HM13: variants seen among roughly 807,000 people sequenced by gnomAD.
The protein encoded by HM13 is histocompatibility minor 13.
A neutral mutation model predicts 50.0 loss-of-function variants in HM13; 18 were observed. The ratio of observed to expected loss-of-function variants is 0.36; its 90% CI spans 0.25 to 0.53. The LOEUF is 0.53. Among genes scored for constraint, HM13 ranks in the 20% least tolerant of loss-of-function variants. HM13 has a pLI of 0.90. For missense variants in HM13, 393 were observed against 552.4 expected, an observed-to-expected ratio of 0.71 and a Z score of 2.89; for synonymous variants, 197 against 232.6, an observed-to-expected ratio of 0.85 and a Z score of 1.39.
rs777024280 is a variant in HM13 at position 31,549,050 on chromosome 20, A to G, written c.476A>G (p.Asp159Gly). 1 of 1,614,126 alleles carries G rather than the reference A, an allele frequency of 6.2e-7. No individual in the cohort carries two copies. The highest frequency in any genetic ancestry group is 8.5e-7 in the Non-Finnish European group (1 of 1,180,014). The change falls in exon 5 of 13, where the codon GAC (aspartate) becomes GGC (glycine). Residue 159 changes from aspartate to glycine, a missense_variant. By Grantham distance (94) the Asp-to-Gly change is moderately conservative. This residue lies in a region of HM13 where 214 missense variants were observed against 276.1 expected (regional missense o/e 0.77). Coordinates refer to ENST00000398174, the MANE Select transcript of HM13 (RefSeq NM_178581.3). ...NKEEIINYEF[D>G]TKDLVCLGLS... Reference sequence around the variant, plus strand: ...TCAGAGATCATCAATTATGAATTTGACACCAAGGACCTGGTGTGCCTGGGC... The same window carrying G: ...TCAGAGATCATCAATTATGAATTTGGCACCAAGGACCTGGTGTGCCTGGGC...
At chr20:31,538,712 A>G in intron 3 of HM13, 1 of 953,350 alleles carries the variant, frequency 1.0e-6, no homozygotes, top group South Asian at 4.9e-5. Flanking sequence ...CCTTACTTTG[A>G]GTCCAGACTC....
chr20:31,518,685 A>G (rs187371866), intron 1 of HM13, among the ~76,000 whole-genome samples: 4 of 151,762 alleles, frequency 2.6e-5, no homozygotes, highest in East Asian at 1.9e-4. Context: ...TTATTTTTCT[A>G]TGTCAGTACA....
chr20:31,527,656 C>A, intron 2 of HM13, 74 bp downstream of exon 2: 2 of 1,054,102 alleles, frequency 1.9e-6, no homozygotes, highest in Non-Finnish European at 2.9e-6. Flanking sequence ...TTTCCCATCA[C>A]AAGAACCATG....
In HM13 at chr20:31,568,236, C is replaced by A. The variant is rs997865704; in HGVS notation, c.1181+12C>A. On this transcript the variant is annotated intron_variant, in intron 12 of 12. Coordinates refer to ENST00000398174, the MANE Select transcript of HM13 (RefSeq NM_178581.3). ...AATCCCAGCGCCATGTAATGCCCAG[C>A]GGGTGCCCACCTGCCCGCTTCCCCC... The A allele has an allele frequency of 1.2e-6, 2 of 1,610,698 alleles. No homozygotes were observed. The highest frequency in any genetic ancestry group is 1.7e-5 in the Admixed American group (1 of 59,816).
chr20:31,523,951 C>A (rs767236464), intron 1 of HM13, among the ~76,000 whole-genome samples: 2 of 152,230 alleles, frequency 1.3e-5, no homozygotes, highest in Non-Finnish European at 2.9e-5. Flanking sequence ...TGGGCTGCCT[C>A]AGCCATGCAT....
At chr20:31,533,821 G>A (rs1982957829) in intron 2 of HM13, among the ~76,000 whole-genome samples, 1 of 152,154 alleles carries the variant, frequency 6.6e-6, no homozygotes, top group Non-Finnish European at 1.5e-5. Context: ...ACTGAGTTTA[G>A]AATGATCCCA....
At chr20:31,563,803 G>A (rs1423409240) in intron 10 of HM13, among the ~76,000 whole-genome samples, 3 of 152,100 alleles carry the variant, frequency 2.0e-5, no homozygotes, top group Admixed American at 6.5e-5. Flanking sequence ...CCGGCCAGGC[G>A]TGGTGGCTCA....
At chr20:31,556,436 T>C (rs920151734) in intron 8 of HM13, among the ~76,000 whole-genome samples, 4 of 152,198 alleles carry the variant, frequency 2.6e-5, no homozygotes, top group African/African-American at 9.7e-5. Flanking sequence ...GCAATTCTGA[T>C]CACCTAGGGT....
At chr20:31,539,102 C>CG in intron 3 of HM13, 1 of 985,450 alleles carries the variant, frequency 1.0e-6, no homozygotes, top group Non-Finnish European at 1.2e-6. Flanking sequence ...GCCACATGCT[C>CG]GTGTCCTTTC....
At chr20:31,554,427 A>T (rs1421617159) in intron 7 of HM13, among the ~76,000 whole-genome samples, 1 of 151,916 alleles carries the variant, frequency 6.6e-6, no homozygotes, top group African/African-American at 2.4e-5. Flanking sequence ...TCACGCCTGT[A>T]ACTCCAGCAC....
At chr20:31,547,398 G>T in intron 4 of HM13, 1 of 435,158 alleles carries the variant, frequency 2.3e-6, no homozygotes, top group Non-Finnish European at 4.1e-6. Flanking sequence ...GGCTCTGACC[G>T]TCTGGCAGGC....
chr20:31,535,708 T>C (rs568408258), intron 2 of HM13: 2 of 152,370 alleles, frequency 1.3e-5, no homozygotes, highest in East Asian at 3.9e-4. Flanking sequence ...TCTGCATTTA[T>C]TGAGAGCCTG....
chr20:31,538,199 C>T lies in HM13; in HGVS notation c.303C>T (p.Ile101=). ...CTCAGATATTCTCCCAGGAGTACATCAACCTCCTGCTGTCCATGTATTTCT... is the reference window on the plus strand; with the variant it reads ...CTCAGATATTCTCCCAGGAGTACATTAACCTCCTGCTGTCCATGTATTTCT... The part of the protein sequence containing the change: ...LFFKIFSQEY[I]NLLLSMYFFV... The change falls in exon 3 of 13, where the codon ATC becomes ATT. Residue 101 remains isoleucine, a synonymous_variant. Transcript: ENST00000398174. The T allele has an allele frequency of 6.2e-7, 1 of 1,613,708 alleles. No homozygotes were observed.
At chr20:31,553,120 AC>A (rs1186771651) in intron 7 of HM13, among the ~76,000 whole-genome samples, 1 of 152,014 alleles carries the variant, frequency 6.6e-6, no homozygotes, top group African/African-American at 2.4e-5. Flanking sequence ...ACATGGTGAA[AC>A]CCTGTCTCTA....
chr20:31,565,875 A>G (rs1427931120), intron 10 of HM13, among the ~76,000 whole-genome samples: 1 of 152,160 alleles, frequency 6.6e-6, no homozygotes, highest in Non-Finnish European at 1.5e-5. Context: ...TGAGCCCCAG[A>G]CCTCAGGAAG....
At chr20:31,522,993 A>G (rs1227127084) in intron 1 of HM13, among the ~76,000 whole-genome samples, 2 of 141,996 alleles carry the variant, frequency 1.4e-5, no homozygotes, top group East Asian at 3.9e-4. Context: ...ATACATGTCT[A>G]TTGCATCATG....
chr20:31,525,797 T>G (rs1474058509), intron 1 of HM13, among the ~76,000 whole-genome samples: 3 of 152,002 alleles, frequency 2.0e-5, no homozygotes, highest in Non-Finnish European at 4.4e-5. Flanking sequence ...GAAAAGAAAT[T>G]TATACCAGTA....
At chr20:31,553,286 A>G in intron 7 of HM13, among the ~76,000 whole-genome samples, 1 of 114,278 alleles carries the variant, frequency 8.8e-6, no homozygotes, top group African/African-American at 3.0e-5. Flanking sequence ...ACAGAGCGAG[A>G]CTCCATCTCA....
chr20:31,517,251 A>T (rs1192249282), intron 1 of HM13, among the ~76,000 whole-genome samples: 1 of 152,128 alleles, frequency 6.6e-6, no homozygotes, highest in Non-Finnish European at 1.5e-5. Flanking sequence ...GGCAGGGAAA[A>T]TTGTGAAATC....
Sources: allele counts gnomAD v4.1 joint callset (sites outside exome capture counted in the v4.1 genomes callset), GRCh38; gene constraint gnomAD v4.1.1; regional missense constraint gnomAD v4.1.1; transcripts MANE v1.5; gene names NCBI Gene and HGNC (gene_info 2026-07-23, HGNC 2026-07-21).